Variants in CACHD1 observed in about 807,000 individuals in gnomAD.
CACHD1 encodes the protein VWFA and cache domain-containing protein 1.
In CACHD1, 71 loss-of-function variants were observed where a neutral mutation model predicts 138.7. That is an observed-to-expected ratio of 0.51 (90% CI 0.42 to 0.62). CACHD1 has a LOEUF of 0.62. CACHD1 is among the 20% of genes least tolerant of loss of function. The probability of loss-of-function intolerance (pLI) is 0.00; values close to 1 mark genes in which losing one functional copy is unlikely to be tolerated. For missense variants in CACHD1, 1,389 were observed against 1,625.3 expected (o/e 0.85, Z 2.50); for synonymous variants, 578 against 591.5 (o/e 0.98, Z 0.33).
chr1:64,542,780 A>T (rs927322070), intron 1 of CACHD1, among the ~76,000 whole-genome samples: 5 of 152,188 alleles, frequency 3.3e-5, no homozygotes, highest in African/African-American at 1.2e-4. Flanking sequence ...CAGGCTTTGT[A>T]TTCAGACTTG....
chr1:64,487,467 A>C (rs889633629), intron 1 of CACHD1, among the ~76,000 whole-genome samples: 2 of 152,036 alleles, frequency 1.3e-5, no homozygotes, highest in East Asian at 3.9e-4. Flanking sequence ...AGCTGGGTTG[A>C]TTCTACTCAC....
chr1:64,498,567 G>A (rs1315928708), intron 1 of CACHD1, among the ~76,000 whole-genome samples: 1 of 152,190 alleles, frequency 6.6e-6, no homozygotes, highest in Non-Finnish European at 1.5e-5. Flanking sequence ...TAGATGAAAA[G>A]CTCAGTTTCA....
At chr1:64,688,023 T>C (rs534784033) in intron 26 of CACHD1, among the ~76,000 whole-genome samples, 1 of 150,488 alleles carries the variant, frequency 6.6e-6, no homozygotes, top group East Asian at 2.0e-4. Flanking sequence ...TGGAGGTGGG[T>C]GGGGGAAATA....
At chr1:64,539,322 A>G (rs1299595270) in intron 1 of CACHD1, among the ~76,000 whole-genome samples, 1 of 152,222 alleles carries the variant, frequency 6.6e-6, no homozygotes, top group Non-Finnish European at 1.5e-5. Context: ...TGGCAAATAT[A>G]CATTTATTCA....
chr1:64,536,840 G>A (rs1265208984), intron 1 of CACHD1, among the ~76,000 whole-genome samples: 1 of 152,150 alleles, frequency 6.6e-6, no homozygotes, highest in Non-Finnish European at 1.5e-5. Context: ...AGCTGGTCAT[G>A]CCATTTAATT....
chr1:64,677,108 A>C, intron 22 of CACHD1, 97 bp downstream of exon 22: 2 of 955,804 alleles, frequency 2.1e-6, no homozygotes, highest in Non-Finnish European at 3.2e-6. Context: ...TTCAGATCTG[A>C]AACTGATTTC....
rs756978605 is a variant in CACHD1, at chr1:64,673,165, A to G, written c.2518A>G (p.Ile840Val). 9 of 1,612,672 alleles carry G rather than the reference A, an allele frequency of 5.6e-6. No homozygotes were observed. Among genetic ancestry groups the G allele is most frequent in the Non-Finnish European group, 6.8e-6 (8 of 1,179,906 alleles). The change falls in exon 18 of 27, where the codon ATA (isoleucine) becomes GTA (valine). Residue 840 changes from isoleucine (I) to valine (V), a missense_variant. By Grantham distance (29) the Ile-to-Val change is conservative. Around this residue, in one of 5 missense-constraint regions of CACHD1, gnomAD observed 1,000 missense variants for 1,114.7 expected, o/e 0.90. Transcript: ENST00000651257. ...TAACTTGTTTTGGTACAGGTGCTTCATAATGGAGGACAGGGGTTATCTGGT... is the reference window on the plus strand; with the variant it reads ...TAACTTGTTTTGGTACAGGTGCTTCGTAATGGAGGACAGGGGTTATCTGGT... Reference protein sequence around the residue: ...QDGGNKIRCFIMEDRGYLVAH... With the variant: ...QDGGNKIRCFVMEDRGYLVAH...
rs751262865 is a variant in CACHD1 at position 64,682,000 on chromosome 1, T to A, written c.3485-5T>A. The A allele has an allele frequency of 6.2e-7, 1 of 1,613,950 alleles. No individual in the cohort carries two copies. The highest frequency in any genetic ancestry group is 1.1e-5 in the South Asian group (1 of 91,078). The stretch of plus-strand genomic sequence containing the variant: ...GTGACATTAACTGTCCTTGGCTTCC[T>A]ACAGTCAGCAACACTCGGTTTATAG... On this transcript the variant is annotated splice_region_variant and splice_polypyrimidine_tract_variant and intron_variant, in intron 25 of 26. Coordinates refer to ENST00000651257, the MANE Select transcript of CACHD1 (RefSeq NM_020925.4).
At chr1:64,640,024 C>G (rs1648653797) in intron 7 of CACHD1, among the ~76,000 whole-genome samples, 1 of 152,218 alleles carries the variant, frequency 6.6e-6, no homozygotes, top group Non-Finnish European at 1.5e-5. Flanking sequence ...CCTTGCCTCT[C>G]CATAGGACTG....
intron 2 of CACHD1, among the ~76,000 whole-genome samples, chr1:64,559,549 T>C (rs1416680895): frequency 6.6e-6 from 1 of 152,172 alleles, no homozygotes; most frequent in Non-Finnish European, 1.5e-5. Flanking sequence ...TACTGGGTAC[T>C]GAGCTTAATA....
chr1:64,598,770 T>C (rs892608279), intron 3 of CACHD1, among the ~76,000 whole-genome samples: 6 of 152,044 alleles, frequency 3.9e-5, no homozygotes, highest in Non-Finnish European at 7.4e-5. Flanking sequence ...AATAAGATAA[T>C]TTGTTCATTA....
At position 64,647,852 on chromosome 1, in the gene CACHD1, A is replaced by G; in HGVS notation, c.1208A>G (p.Gln403Arg). 6.2e-7 allele frequency: 1 copy of G among 1,614,228 alleles called. No homozygotes were observed. Among genetic ancestry groups the G allele is most frequent in the Admixed American group, 1.7e-5 (1 of 60,026 alleles). Residue 403 changes from glutamine (Q) to arginine (R), a missense_variant, in exon 9 of 27, where the codon CAG (glutamine) becomes CGG (arginine). Physicochemically the swap from Gln to Arg is conservative, Grantham distance 43. Around this residue, in one of 5 missense-constraint regions of CACHD1, gnomAD observed 1,000 missense variants for 1,114.7 expected, o/e 0.90. Coordinates refer to ENST00000651257, the MANE Select transcript of CACHD1 (RefSeq NM_020925.4). ...ELAFLRDLAE[Q>R]NSGKYGVPDR... ...GCTTTTCTGAGGGATCTAGCTGAAC[A>G]GAATTCAGGGAAGTACGGTGTGCCA...
At chr1:64,660,993 A>T (rs1472741638) in intron 13 of CACHD1, among the ~76,000 whole-genome samples, 1 of 152,202 alleles carries the variant, frequency 6.6e-6, no homozygotes, top group Non-Finnish European at 1.5e-5. Context: ...CCAGTGTCTG[A>T]CTTTCACTGG....
At chr1:64,510,082 A>C (rs1646407807) in intron 1 of CACHD1, among the ~76,000 whole-genome samples, 1 of 152,206 alleles carries the variant, frequency 6.6e-6, no homozygotes, top group African/African-American at 2.4e-5. Flanking sequence ...CTGCTTTTTA[A>C]GGAAAATTTT....
chr1:64,586,188 C>T (rs1016430789), intron 3 of CACHD1, among the ~76,000 whole-genome samples: 16 of 152,176 alleles, frequency 1.1e-4, no homozygotes, highest in African/African-American at 3.6e-4. Flanking sequence ...CTCAGTCTCC[C>T]AAGAAGCTGG....
intron 2 of CACHD1, among the ~76,000 whole-genome samples, chr1:64,556,108 G>A (rs937185338): frequency 1.3e-5 from 2 of 152,142 alleles, no homozygotes; most frequent in South Asian, 4.1e-4. Flanking sequence ...GCTCTGTGCT[G>A]TCATTAAAGT....
At position 64,654,695 on chromosome 1, in the gene CACHD1, G is replaced by T. The variant is rs1474638815; in HGVS notation, c.1674G>T (p.Leu558=). 2 of 1,611,794 alleles carry T rather than the reference G, an allele frequency of 1.2e-6. No individual in the cohort carries two copies. The highest frequency in any genetic ancestry group is 2.2e-5 in the East Asian group (1 of 44,816). ...LVRQNILSLP[L]GSQIIAVPVN... ...CTGTTTGCCAACACAGCCTCCCTCTGGGCAGCCAGATTATCGCAGTCCCTG... is the reference window on the plus strand; with the variant it reads ...CTGTTTGCCAACACAGCCTCCCTCTTGGCAGCCAGATTATCGCAGTCCCTG... The change falls in exon 12 of 27, where the codon CTG becomes CTT. Residue 558 remains leucine, a synonymous_variant. Transcript: ENST00000651257.
chr1:64,659,920 C>A (rs1244648336), intron 13 of CACHD1, among the ~76,000 whole-genome samples: 2 of 152,164 alleles, frequency 1.3e-5, no homozygotes, highest in African/African-American at 4.8e-5. Flanking sequence ...CTCTTAAATT[C>A]CATCCTCGAG....
intron 1 of CACHD1, among the ~76,000 whole-genome samples, chr1:64,491,347 T>G (rs1042156083): frequency 6.6e-6 from 1 of 152,080 alleles, no homozygotes; most frequent in East Asian, 1.9e-4. Flanking sequence ...GGATAATTTA[T>G]AAAGAAAACA....
Sources: gnomAD v4.1 joint callset for allele counts (sites outside exome capture counted in the v4.1 genomes callset) on GRCh38, gnomAD v4.1.1 for gene constraint, gnomAD v4.1.1 regional missense constraint, MANE v1.5 for transcripts, NCBI Gene and HGNC (gene_info 2026-07-23, HGNC 2026-07-21) for gene names.